RNF111: variants seen among roughly 807,000 people sequenced by gnomAD.
RNF111 encodes the protein E3 ubiquitin-protein ligase Arkadia.
RNF111 carries 17 observed loss-of-function variants against 95.1 expected under a neutral mutation model. The observed-to-expected ratio is 0.18, with a 90% CI of 0.12 to 0.27. RNF111 has a LOEUF of 0.27. Ranked by LOEUF, RNF111 falls within the 10% of genes least tolerant of loss-of-function variation. The probability of loss-of-function intolerance (pLI) is 1.00; values close to 1 mark genes in which losing one functional copy is unlikely to be tolerated. For missense variants in RNF111, 1,189 were observed against 1,210.4 expected, an observed-to-expected ratio of 0.98 and a Z score of 0.26; for synonymous variants, 440 against 414.8, an observed-to-expected ratio of 1.06 and a Z score of -0.74.
At chr15:59,015,301 T>C (rs1212525103) in intron 1 of RNF111, among the ~76,000 whole-genome samples, 1 of 152,234 alleles carries the variant, frequency 6.6e-6, no homozygotes, top group Non-Finnish European at 1.5e-5. Context: ...GATATTGTCA[T>C]GTTTTGTGTT....
intron 1 of RNF111, among the ~76,000 whole-genome samples, chr15:59,009,808 T>C (rs993238197): frequency 3.3e-5 from 5 of 151,926 alleles, no homozygotes; most frequent in Admixed American, 6.6e-5. Context: ...TTCAAAAAAT[T>C]AGCTGGGCAT....
At chr15:59,034,041 C>T (rs528210018) in intron 2 of RNF111, among the ~76,000 whole-genome samples, 6 of 152,304 alleles carry the variant, frequency 3.9e-5, no homozygotes, top group Non-Finnish European at 7.4e-5. Context: ...TTCAGATCCT[C>T]CAGTGTTACT....
At chr15:59,000,974 G>A (rs1468560219) in intron 1 of RNF111, among the ~76,000 whole-genome samples, 4 of 152,202 alleles carry the variant, frequency 2.6e-5, no homozygotes, top group East Asian at 1.9e-4. Flanking sequence ...GGAAAAGGAA[G>A]ATAGAGGGTG....
At chr15:59,028,010 A>G (rs937851894) in intron 1 of RNF111, among the ~76,000 whole-genome samples, 2 of 151,242 alleles carry the variant, frequency 1.3e-5, no homozygotes, top group Non-Finnish European at 2.9e-5. Context: ...TATTTTTAGT[A>G]GAGATGGGGT....
intron 2 of RNF111, among the ~76,000 whole-genome samples, chr15:59,034,234 A>G (rs2041060209): frequency 1.3e-5 from 2 of 152,122 alleles, no homozygotes; most frequent in South Asian, 4.1e-4. Flanking sequence ...AGCTTTTGTC[A>G]GTGGATATTT....
intron 1 of RNF111, among the ~76,000 whole-genome samples, chr15:59,015,612 A>T (rs1231804071): frequency 2.6e-5 from 4 of 151,120 alleles, no homozygotes. Context: ...ACCCTAGCTT[A>T]TTCTCCCCTA....
chr15:59,001,203 A>C (rs1317594634), intron 1 of RNF111, among the ~76,000 whole-genome samples: 2 of 152,048 alleles, frequency 1.3e-5, no homozygotes, highest in African/African-American at 2.4e-5. Flanking sequence ...TAGCCTAGAA[A>C]CTACTGGGGC....
intron 1 of RNF111, among the ~76,000 whole-genome samples, chr15:59,010,688 C>T (rs1202624494): frequency 6.6e-6 from 1 of 152,144 alleles, no homozygotes; most frequent in African/African-American, 2.4e-5. Flanking sequence ...AGTCATAAGC[C>T]ACCACATCTG....
intron 7 of RNF111, 22 bp from the exon 8 acceptor site, chr15:59,080,914 A>G (rs201824992): frequency 6.3e-7 from 1 of 1,579,826 alleles, no homozygotes; most frequent in African/African-American, 1.3e-5. Flanking sequence ...TATGTAACAT[A>G]CTCAAAATAT....
rs1246716711 is a variant in RNF111, at chr15:59,031,696, C to T, written c.874C>T (p.Pro292Ser). 6.2e-7 allele frequency: 1 copy of T among 1,612,356 alleles called. No individual in the cohort carries two copies. Among genetic ancestry groups the T allele is most frequent in the Non-Finnish European group, 8.5e-7 (1 of 1,179,176 alleles). The change falls in exon 2 of 14, where the codon CCC becomes TCC. Residue 292 changes from proline to serine, a missense_variant. This residue lies in a region of RNF111 where 1,024 missense variants were observed against 925.9 expected (regional missense o/e 1.11). Transcript: ENST00000348370. ...SENHQNNPAV[P>S]SGSIDEDVVV... ...AAACCACCAAAACAATCCAGCTGTTCCCTCAGGTAAAAATGTTTAAGCTGA... is the reference window on the plus strand; with the variant it reads ...AAACCACCAAAACAATCCAGCTGTTTCCTCAGGTAAAAATGTTTAAGCTGA...
At chr15:59,038,456 G>C (rs1214385672) in intron 2 of RNF111, among the ~76,000 whole-genome samples, 1 of 152,060 alleles carries the variant, frequency 6.6e-6, no homozygotes, top group East Asian at 1.9e-4. Context: ...GAATACTTCT[G>C]TCCCTCTTTT....
intron 2 of RNF111, among the ~76,000 whole-genome samples, chr15:59,035,248 G>A (rs1472553150): frequency 1.3e-5 from 2 of 152,104 alleles, no homozygotes; most frequent in Non-Finnish European, 2.9e-5. Flanking sequence ...ATTTGGGTAG[G>A]GATACAGCCA....
At chr15:59,087,985 A>G (rs1216572601) in intron 10 of RNF111, among the ~76,000 whole-genome samples, 1 of 152,208 alleles carries the variant, frequency 6.6e-6, no homozygotes, top group Non-Finnish European at 1.5e-5. Flanking sequence ...GAAAACATGG[A>G]GACAGTGAAT....
chr15:59,035,520 T>C (rs762150356), intron 2 of RNF111, among the ~76,000 whole-genome samples: 1 of 152,252 alleles, frequency 6.6e-6, no homozygotes, highest in African/African-American at 2.4e-5. Flanking sequence ...ACATAACTTA[T>C]GCAAATTTCT....
At chr15:59,016,260 C>T (rs1229731088) in intron 1 of RNF111, among the ~76,000 whole-genome samples, 1 of 151,804 alleles carries the variant, frequency 6.6e-6, no homozygotes. Flanking sequence ...ACCTCCACCT[C>T]CTGGATTCAA....
intron 2 of RNF111, among the ~76,000 whole-genome samples, chr15:59,033,745 A>G (rs1013646435): frequency 6.6e-6 from 1 of 152,244 alleles, no homozygotes; most frequent in Non-Finnish European, 1.5e-5. Context: ...TAATTCATTT[A>G]AAAATCTTAT....
intron 1 of RNF111, among the ~76,000 whole-genome samples, chr15:59,009,506 G>GA (rs2039692692): frequency 6.8e-6 from 1 of 147,234 alleles, no homozygotes; most frequent in African/African-American, 2.5e-5. Flanking sequence ...AAATTCTAAA[G>GA]AAAAAGTCTT....
chr15:59,031,409 T>C lies in RNF111; in HGVS notation c.587T>C (p.Leu196Ser). 1 of 1,614,226 alleles carries C rather than the reference T, an allele frequency of 6.2e-7. No individual in the cohort carries two copies. Among genetic ancestry groups the C allele is most frequent in the Non-Finnish European group, 8.5e-7 (1 of 1,180,038 alleles). Reference sequence around the variant, plus strand: ...GAGACAGAATCTGTATCGGGATTGTTAATGAAAAGACCCTGTTTACATGGC... The same window carrying C: ...GAGACAGAATCTGTATCGGGATTGTCAATGAAAAGACCCTGTTTACATGGC... ...RTETESVSGL[L>S]MKRPCLHGSS... is the part of the protein sequence containing the mutation. The change falls in exon 2 of 14, where the codon TTA becomes TCA. Residue 196 changes from leucine to serine, a missense_variant. This residue lies in a region of RNF111 where 1,024 missense variants were observed against 925.9 expected (regional missense o/e 1.11). Coordinates refer to ENST00000348370, the MANE Select transcript of RNF111 (RefSeq NM_017610.8).
In RNF111 at chr15:59,052,779, T is replaced by C. The variant is rs567890610; in HGVS notation, c.1007+348T>C. Among the ~76,000 whole-genome samples the C allele has an allele frequency of 2.6e-5, 4 of 152,130 alleles. 1 individual carries two copies. The highest frequency in any genetic ancestry group is 9.6e-5 in the African/African-American group (4 of 41,536). On this transcript the variant is annotated intron_variant, in intron 3 of 13. Transcript: ENST00000348370. ...GAGAGATAATAAAATAAAGCTATAT[T>C]GTTGCCCAGACTCTTTCCCATACTT...
Sources: gnomAD v4.1 joint callset for allele counts (sites outside exome capture counted in the v4.1 genomes callset) on GRCh38, gnomAD v4.1.1 for gene constraint, gnomAD v4.1.1 regional missense constraint, MANE v1.5 for transcripts, NCBI Gene and HGNC (gene_info 2026-07-23, HGNC 2026-07-21) for gene names.